Variants in BCL2 observed in about 807,000 individuals in gnomAD.
BCL2 encodes BCL2 apoptosis regulator, also known as apoptosis regulator Bcl-2.
Under a neutral mutation model 14.2 loss-of-function variants are expected in BCL2, and 1 was observed. The ratio of observed to expected loss-of-function variants is 0.07; its 90% CI spans 0.02 to 0.33. BCL2 has a LOEUF of 0.33. Ranked by LOEUF, BCL2 falls within the 10% of genes least tolerant of loss-of-function variation. The pLI is 0.99. For synonymous variants in BCL2, 151 were observed against 137.2 expected, an observed-to-expected ratio of 1.10 and a Z score of -0.70; for missense variants, 247 against 305.9, an observed-to-expected ratio of 0.81 and a Z score of 1.44.
intron 2 of BCL2, among the ~76,000 whole-genome samples, chr18:63,169,846 C>T (rs957260862): frequency 2.6e-5 from 4 of 152,028 alleles, no homozygotes; most frequent in East Asian, 1.9e-4. Context: ...GGGTAGATGC[C>T]GGTGGCCGTC....
chr18:63,167,867 A>G (rs1915083136), intron 2 of BCL2, among the ~76,000 whole-genome samples: 1 of 152,144 alleles, frequency 6.6e-6, no homozygotes, highest in Non-Finnish European at 1.5e-5. Context: ...CAGAGGTTGC[A>G]GTGAGCAGAG....
At chr18:63,260,937 G>A (rs988431689) in intron 2 of BCL2, among the ~76,000 whole-genome samples, 1 of 152,190 alleles carries the variant, frequency 6.6e-6, no homozygotes, top group Admixed American at 6.5e-5. Context: ...AAGCCACTCT[G>A]CAGTACAAAT....
At chr18:63,181,774 A>T (rs1051458829) in intron 2 of BCL2, among the ~76,000 whole-genome samples, 2 of 152,242 alleles carry the variant, frequency 1.3e-5, no homozygotes, top group Non-Finnish European at 2.9e-5. Context: ...ACAGAAGCTA[A>T]GAGACATTCC....
At chr18:63,169,123 C>A (rs1416410789) in intron 2 of BCL2, among the ~76,000 whole-genome samples, 1 of 152,204 alleles carries the variant, frequency 6.6e-6, no homozygotes, top group African/African-American at 2.4e-5. Context: ...AGGCAGGCAC[C>A]TGATCATCCC....
intron 2 of BCL2, among the ~76,000 whole-genome samples, chr18:63,186,388 C>A (rs1446811784): frequency 6.6e-6 from 1 of 152,154 alleles, no homozygotes; most frequent in Non-Finnish European, 1.5e-5. Flanking sequence ...TACTGACTGC[C>A]TTTAATTTAT....
chr18:63,214,306 T>C (rs1039046254), intron 2 of BCL2, among the ~76,000 whole-genome samples: 2 of 152,136 alleles, frequency 1.3e-5, no homozygotes. Flanking sequence ...TGTGCCACCA[T>C]CTCTGTAGGG....
At chr18:63,186,633 T>C (rs1915600089) in intron 2 of BCL2, among the ~76,000 whole-genome samples, 1 of 152,238 alleles carries the variant, frequency 6.6e-6, no homozygotes, top group African/African-American at 2.4e-5. Flanking sequence ...GATATCTGCA[T>C]TGGCACACGT....
At chr18:63,251,191 T>TTGGGGGGGGGGG (rs1911302215) in intron 2 of BCL2, among the ~76,000 whole-genome samples, 1 of 44,572 alleles carries the variant, frequency 2.2e-5, no homozygotes, top group Non-Finnish European at 4.6e-5. Context: ...CTGGGGGTGG[T>TTGGGGGGGGGGG]GGGGACACAA....
chr18:63,235,842 T>G (rs1179509000), intron 2 of BCL2, among the ~76,000 whole-genome samples: 1 of 151,582 alleles, frequency 6.6e-6, no homozygotes, highest in Non-Finnish European at 1.5e-5. Context: ...ATGCATGGTT[T>G]TATCTTTCAC....
rs1366999802 is a variant in BCL2, at chr18:63,149,902, G to C, written c.586-21143C>G. ...ATTTATTTATTTATTTTGAGACAGC[G>C]TCTCCCTCTGTCAGTTACCCAGGCT... On this transcript the variant is annotated intron_variant, in intron 2 of 2. Coordinates refer to ENST00000333681, the MANE Select transcript of BCL2 (RefSeq NM_000633.3). This position sits in a 1 kb window ranked among gnomAD's most constrained non-coding sequence, Gnocchi z 4.2. Among the ~76,000 whole-genome samples the C allele has an allele frequency of 2.0e-5, 3 of 151,114 alleles. No homozygotes were observed. The highest frequency in any genetic ancestry group is 4.4e-5 in the Non-Finnish European group (3 of 67,882).
chr18:63,261,791 CTT>C (rs10597397), intron 2 of BCL2, among the ~76,000 whole-genome samples: 5 of 143,612 alleles, frequency 3.5e-5, no homozygotes, highest in African/African-American at 2.5e-5. Context: ...GTTATTTTTT[CTT>C]TTTTTTTTTT....
chr18:63,189,583 G>A (rs927166012), intron 2 of BCL2, among the ~76,000 whole-genome samples: 4 of 152,042 alleles, frequency 2.6e-5, no homozygotes, highest in Non-Finnish European at 5.9e-5. Flanking sequence ...GTTTTTCTGC[G>A]TTAGGCTCAG....
At chr18:63,241,845 A>G (rs185952397) in intron 2 of BCL2, among the ~76,000 whole-genome samples, 102 of 152,348 alleles carry the variant, frequency 6.7e-4, no homozygotes, top group African/African-American at 2.4e-3. Flanking sequence ...TCTCGCTATC[A>G]GGTCACCTTT....
intron 2 of BCL2, among the ~76,000 whole-genome samples, chr18:63,169,385 T>TTCTTTCTC (rs1915163009): frequency 9.1e-6 from 1 of 109,866 alleles, no homozygotes; most frequent in Non-Finnish European, 1.7e-5. Context: ...CTTTCTTTCT[T>TTCTTTCTC]TCTTTTTCTT....
At chr18:63,227,567 G>A (rs1910581955) in intron 2 of BCL2, among the ~76,000 whole-genome samples, 1 of 152,130 alleles carries the variant, frequency 6.6e-6, no homozygotes, top group South Asian at 2.1e-4. Context: ...AGGACAAAAT[G>A]TATACATTAC....
At chr18:63,302,028 T>C (rs1260510167) in intron 2 of BCL2, among the ~76,000 whole-genome samples, 2 of 152,128 alleles carry the variant, frequency 1.3e-5, no homozygotes, top group East Asian at 1.9e-4. Context: ...TAGTCTGGTC[T>C]ATAAAAGAGA....
At chr18:63,273,761 G>T (rs1319215928) in intron 2 of BCL2, among the ~76,000 whole-genome samples, 2 of 152,116 alleles carry the variant, frequency 1.3e-5, no homozygotes, top group Admixed American at 1.3e-4. Context: ...CCTCACGCCT[G>T]ACTCCTCCCT....
chr18:63,166,089 C>G (rs183017559), intron 2 of BCL2, among the ~76,000 whole-genome samples: 1 of 152,182 alleles, frequency 6.6e-6, no homozygotes, highest in South Asian at 2.1e-4. Context: ...AGTATGAGGA[C>G]CAGCTGCTGG....
At chr18:63,155,379 G>A (rs1034203073) in intron 2 of BCL2, among the ~76,000 whole-genome samples, 2 of 152,166 alleles carry the variant, frequency 1.3e-5, no homozygotes, top group Admixed American at 6.5e-5. Flanking sequence ...AGTATCGGAT[G>A]AGTCACGAGA....
Sources: gnomAD v4.1 joint callset for allele counts (sites outside exome capture counted in the v4.1 genomes callset) on GRCh38, gnomAD v4.1.1 for gene constraint, Gnocchi (gnomAD v3.1) non-coding constraint, MANE v1.5 for transcripts, NCBI Gene and HGNC (gene_info 2026-07-23, HGNC 2026-07-21) for gene names.